Variants in NUP37 observed in about 807,000 individuals in gnomAD.
NUP37 encodes the protein nucleoporin Nup37.
In NUP37, 33 loss-of-function variants were observed where a neutral mutation model predicts 45.4. That is an observed-to-expected ratio of 0.73 (90% CI 0.55 to 0.97). The LOEUF (loss-of-function observed/expected upper bound fraction) is 0.97, where lower values mean the gene tolerates loss of function less well. NUP37 is among the 50% of genes least tolerant of loss of function. The pLI, the probability that NUP37 is intolerant of heterozygous loss-of-function variation, is 0.00. For missense variants in NUP37, 365 were observed against 389.7 expected (o/e 0.94, Z 0.53); for synonymous variants, 127 against 130.7 (o/e 0.97, Z 0.19).
chr12:102,108,563 A>T (rs148222645), intron 3 of NUP37, among the ~76,000 whole-genome samples: 74 of 152,262 alleles, frequency 4.9e-4, no homozygotes, highest in African/African-American at 1.6e-3. Context: ...TCATATATAC[A>T]TCTATCCTAT....
At chr12:102,102,547 A>G (rs1234732157) in intron 3 of NUP37, among the ~76,000 whole-genome samples, 1 of 152,178 alleles carries the variant, frequency 6.6e-6, no homozygotes, top group African/African-American at 2.4e-5. Flanking sequence ...TTTTCTCACA[A>G]TCTGTAGGTT....
In NUP37 at chr12:102,112,046, C is replaced by T; in HGVS notation, c.281+62G>A. ...GAAAAAAGTATCTATGATCAGACTTCCAATCATGTAACACAATCAAAGTAC... is the reference window on the plus strand; with the variant it reads ...GAAAAAAGTATCTATGATCAGACTTTCAATCATGTAACACAATCAAAGTAC... On this transcript the variant is annotated intron_variant, in intron 3 of 9. Transcript: ENST00000552283. 5 of 1,479,844 alleles carry T rather than the reference C, an allele frequency of 3.4e-6. No individual in the cohort carries two copies. In the South Asian group the frequency reaches 6.2e-5, roughly 18 times the overall value. The allele number at this position is 1,479,844 out of a possible 1,614,324, so 91.7% of individuals were successfully genotyped here.
At chr12:102,090,708 T>C (rs1007228778) in intron 5 of NUP37, among the ~76,000 whole-genome samples, 3 of 152,222 alleles carry the variant, frequency 2.0e-5, no homozygotes, top group Admixed American at 1.3e-4. Context: ...TTTCTAAGTG[T>C]TATTTTCATT....
chr12:102,105,027 C>T (rs1349734927), intron 3 of NUP37, among the ~76,000 whole-genome samples: 2 of 152,162 alleles, frequency 1.3e-5, no homozygotes, highest in African/African-American at 4.8e-5. Context: ...CTTTGGGTAG[C>T]ACAGACACTT....
intron 3 of NUP37, among the ~76,000 whole-genome samples, chr12:102,111,761 G>A (rs1880322023): frequency 6.6e-6 from 1 of 151,458 alleles, no homozygotes; most frequent in Non-Finnish European, 1.5e-5. Context: ...GGGAAGGAAA[G>A]CTCATTAATG....
chr12:102,118,324 A>G, intron 2 of NUP37, 39 bp downstream of exon 2: 1 of 1,565,396 alleles, frequency 6.4e-7, no homozygotes, highest in Non-Finnish European at 8.7e-7. Flanking sequence ...TAGTAGTGAA[A>G]TATGTTCACT....
At chr12:102,096,810 C>T (rs1003624418) in intron 5 of NUP37, among the ~76,000 whole-genome samples, 6 of 152,166 alleles carry the variant, frequency 3.9e-5, no homozygotes, top group Admixed American at 2.0e-4. Flanking sequence ...TTTTTATATA[C>T]GTTCTGTTTT....
chr12:102,101,125 A>C, intron 3 of NUP37, 21 bp from the exon 4 acceptor site: 1 of 1,474,742 alleles, frequency 6.8e-7, no homozygotes, highest in Middle Eastern at 1.7e-4. Flanking sequence ...AAAAACAAAA[A>C]TATACCAATT....
intron 3 of NUP37, among the ~76,000 whole-genome samples, chr12:102,111,865 C>T (rs181884502): frequency 2.0e-5 from 3 of 152,218 alleles, no homozygotes; most frequent in East Asian, 3.9e-4. Context: ...ATGAATCTCA[C>T]GTAAAAGGTT....
chr12:102,077,595 T>G (rs1044493193), intron 6 of NUP37, 92 bp from the exon 7 acceptor site: 4 of 1,234,830 alleles, frequency 3.2e-6, no homozygotes, highest in Admixed American at 2.3e-5. Flanking sequence ...TACGGTAAAA[T>G]GTAAACATTT....
At chr12:102,090,991 T>A (rs942010924) in intron 5 of NUP37, among the ~76,000 whole-genome samples, 3 of 152,210 alleles carry the variant, frequency 2.0e-5, no homozygotes, top group Admixed American at 6.5e-5. Flanking sequence ...ATTCAAAATT[T>A]GAAAATTCAG....
In NUP37 at chr12:102,081,364, T is replaced by C. The variant is rs192527319; in HGVS notation, c.541-3861A>G. Among the ~76,000 whole-genome samples, 5 of 152,306 alleles carry C rather than the reference T, an allele frequency of 3.3e-5. No individual in the cohort carries two copies. In the East Asian group the frequency reaches 7.7e-4, roughly 23 times the overall value. On this transcript the variant is annotated intron_variant, in intron 6 of 9. Transcript: ENST00000552283. ...GATAGGGTAGAAAAGTTAAGTAAGT[T>C]TGGGAGTAGCTGAATCTAAAAATGC... is the stretch of plus-strand genomic sequence containing the variant.
At chr12:102,100,069 T>G (rs184410634) in intron 4 of NUP37, among the ~76,000 whole-genome samples, 130 of 152,258 alleles carry the variant, frequency 8.5e-4, no homozygotes, top group African/African-American at 2.8e-3. Flanking sequence ...TCTCCAAAGC[T>G]TCTGTCACAG....
intron 3 of NUP37, among the ~76,000 whole-genome samples, chr12:102,107,785 T>A (rs1171935974): frequency 1.5e-4 from 23 of 152,250 alleles, no homozygotes; most frequent in Admixed American, 7.2e-4. Flanking sequence ...CATAAGAAAG[T>A]TCATAAGCAG....
At chr12:102,092,049 C>T (rs1246926303) in intron 5 of NUP37, among the ~76,000 whole-genome samples, 1 of 152,090 alleles carries the variant, frequency 6.6e-6, no homozygotes, top group Non-Finnish European at 1.5e-5. Flanking sequence ...TCTCAAAGGT[C>T]TTTTAAATGG....
At chr12:102,117,119 T>C (rs375054226) in intron 2 of NUP37, among the ~76,000 whole-genome samples, 1 of 152,242 alleles carries the variant, frequency 6.6e-6, no homozygotes, top group South Asian at 2.1e-4. Context: ...CACTTCCAAA[T>C]TACCGTGCTC....
chr12:102,114,649 C>T (rs1880413106), intron 2 of NUP37, among the ~76,000 whole-genome samples: 1 of 152,140 alleles, frequency 6.6e-6, no homozygotes, highest in African/African-American at 2.4e-5. Context: ...GCAGGCCCTC[C>T]CACCACACCC....
chr12:102,115,569 T>A (rs1052335257), intron 2 of NUP37, among the ~76,000 whole-genome samples: 1 of 152,226 alleles, frequency 6.6e-6, no homozygotes, highest in Non-Finnish European at 1.5e-5. Context: ...CTTGCTTTTT[T>A]CATGTCTTGG....
intron 6 of NUP37, among the ~76,000 whole-genome samples, chr12:102,084,568 C>T (rs769384264): frequency 1.3e-5 from 2 of 151,928 alleles, no homozygotes; most frequent in Non-Finnish European, 2.9e-5. Context: ...CACCTGAGCC[C>T]GGCATACGAA....
Sources: gnomAD v4.1 joint callset for allele counts (sites outside exome capture counted in the v4.1 genomes callset) on GRCh38, gnomAD v4.1.1 for gene constraint, MANE v1.5 for transcripts, NCBI Gene and HGNC (gene_info 2026-07-23, HGNC 2026-07-21) for gene names.